The following CSMD3 variants were observed in gnomAD, a reference collection of about 807,000 sequenced individuals.
CSMD3 encodes the protein CUB and sushi domain-containing protein 3.
A neutral mutation model predicts 435.2 loss-of-function variants in CSMD3; 177 were observed. The observed-to-expected ratio is 0.41, with a 90% CI of 0.36 to 0.46. CSMD3 has a LOEUF of 0.46. Ranked by LOEUF, CSMD3 falls within the 20% of genes least tolerant of loss-of-function variation. The probability of loss-of-function intolerance (pLI) is 0.34; values close to 1 mark genes in which losing one functional copy is unlikely to be tolerated. For missense variants in CSMD3, 4,265 were observed against 4,504.6 expected (o/e 0.95, Z 1.52); for synonymous variants, 1,656 against 1,520.5 (o/e 1.09, Z -2.07).
chr8:112,928,038 C>T (rs1316020594), intron 9 of CSMD3, among the ~76,000 whole-genome samples: 1 of 152,084 alleles, frequency 6.6e-6, no homozygotes, highest in Non-Finnish European at 1.5e-5. Context: ...CCTGTCTTTG[C>T]CCCTCCAATA....
chr8:113,098,584 G>C, intron 5 of CSMD3, 172 bp downstream of exon 5: 1 of 598,532 alleles, frequency 1.7e-6, no homozygotes, highest in Non-Finnish European at 3.0e-6. Context: ...TATTTTTTAT[G>C]TAAATAGCTC....
At chr8:113,276,382 G>A (rs2132446653) in intron 3 of CSMD3, among the ~76,000 whole-genome samples, 1 of 152,138 alleles carries the variant, frequency 6.6e-6, no homozygotes, top group East Asian at 1.9e-4. Flanking sequence ...ACATCAGAGG[G>A]GAAATCAAAG....
intron 13 of CSMD3, among the ~76,000 whole-genome samples, chr8:112,780,411 G>A (rs2078354676): frequency 6.6e-6 from 1 of 152,020 alleles, no homozygotes; most frequent in East Asian, 1.9e-4. Flanking sequence ...AAGTAAGGCA[G>A]CTGAATAGAA....
At chr8:112,252,704 T>TAC (rs1815390505) in intron 63 of CSMD3, among the ~76,000 whole-genome samples, 1 of 132,792 alleles carries the variant, frequency 7.5e-6, no homozygotes, top group Non-Finnish European at 1.6e-5. Context: ...TATATATATA[T>TAC]ATATACACAT....
At chr8:112,852,999 T>A (rs1199229304) in intron 11 of CSMD3, among the ~76,000 whole-genome samples, 2 of 152,198 alleles carry the variant, frequency 1.3e-5, no homozygotes, top group Non-Finnish European at 2.9e-5. Context: ...TTGGAATTTT[T>A]ATTAGTAATG....
chr8:112,290,705 T>C (rs1263780803), intron 56 of CSMD3, among the ~76,000 whole-genome samples: 1 of 151,958 alleles, frequency 6.6e-6, no homozygotes, highest in African/African-American at 2.4e-5. Context: ...AAACCAAAAA[T>C]TATTTGCCAA....
chr8:112,711,344 G>A (rs908738389), intron 13 of CSMD3, among the ~76,000 whole-genome samples: 1 of 151,956 alleles, frequency 6.6e-6, no homozygotes, highest in African/African-American at 2.4e-5. Context: ...CAAGCGCATT[G>A]CGATTTACAC....
intron 5 of CSMD3, among the ~76,000 whole-genome samples, chr8:113,083,097 T>G (rs2089630384): frequency 6.6e-6 from 1 of 152,020 alleles, no homozygotes; most frequent in Non-Finnish European, 1.5e-5. Context: ...AGCAGATAGA[T>G]CCCCAAACTG....
chr8:113,086,585 A>C (rs72683902), intron 5 of CSMD3, among the ~76,000 whole-genome samples: 14,480 of 152,238 alleles, frequency 0.095, 886 homozygotes, highest in Middle Eastern at 0.17. Context: ...ATATTAAGAA[A>C]ATATATCATA....
chr8:112,322,303 A>C (rs1231834487), intron 45 of CSMD3, among the ~76,000 whole-genome samples: 1 of 152,092 alleles, frequency 6.6e-6, no homozygotes, highest in East Asian at 1.9e-4. Context: ...TTAAAAGATC[A>C]AAGGTTGTAA....
intron 3 of CSMD3, among the ~76,000 whole-genome samples, chr8:113,206,252 T>C (rs2092769743): frequency 6.6e-6 from 1 of 152,152 alleles, no homozygotes; most frequent in African/African-American, 2.4e-5. Context: ...TACACAAATA[T>C]ATATGTATGT....
At chr8:113,230,079 T>C (rs2093068436) in intron 3 of CSMD3, among the ~76,000 whole-genome samples, 1 of 151,662 alleles carries the variant, frequency 6.6e-6, no homozygotes, top group South Asian at 2.1e-4. Flanking sequence ...GTCTGAAAGA[T>C]GCTGAGATAA....
At chr8:113,163,566 CATTAAAT>C (rs1328973874) in intron 4 of CSMD3, among the ~76,000 whole-genome samples, 5 of 151,800 alleles carry the variant, frequency 3.3e-5, no homozygotes, top group African/African-American at 4.8e-5. Context: ...ATTAGGCATC[CATTAAAT>C]ATTAAACTGT....
intron 2 of CSMD3, among the ~76,000 whole-genome samples, chr8:113,305,281 C>T (rs550048763): frequency 6.6e-6 from 1 of 151,642 alleles, no homozygotes; most frequent in Admixed American, 6.6e-5. Context: ...TACACATGTA[C>T]CCTAAAACTT....
intron 60 of CSMD3, 103 bp downstream of exon 60, chr8:112,265,308 G>A (rs1412746929): frequency 1.4e-6 from 1 of 701,468 alleles, no homozygotes; most frequent in Non-Finnish European, 2.2e-6. Flanking sequence ...AATGCAACCT[G>A]GAACTAAAAA....
intron 13 of CSMD3, among the ~76,000 whole-genome samples, chr8:112,768,269 A>G (rs553226957): frequency 1.3e-5 from 2 of 152,002 alleles, no homozygotes; most frequent in African/African-American, 4.8e-5. Flanking sequence ...CCTGGCAGGC[A>G]ACGAATGGCA....
chr8:113,410,497 A>G (rs1376555648), intron 1 of CSMD3, among the ~76,000 whole-genome samples: 2 of 152,128 alleles, frequency 1.3e-5, no homozygotes, highest in Non-Finnish European at 2.9e-5. Context: ...TGTCTTCTAT[A>G]CAGTGAACTC....
intron 5 of CSMD3, among the ~76,000 whole-genome samples, chr8:113,091,460 C>A (rs1359536020): frequency 6.6e-6 from 1 of 151,976 alleles, no homozygotes; most frequent in Non-Finnish European, 1.5e-5. Context: ...TGTTATTGGT[C>A]TGTTCGGGCT....
chr8:112,864,217 GTTTC>G (rs2080910112), intron 10 of CSMD3, among the ~76,000 whole-genome samples: 1 of 151,422 alleles, frequency 6.6e-6, no homozygotes. Context: ...AAATGTATAG[GTTTC>G]TTTCTTTTTT....
Sources: gnomAD v4.1 joint callset for allele counts (sites outside exome capture counted in the v4.1 genomes callset) on GRCh38, gnomAD v4.1.1 for gene constraint, MANE v1.5 for transcripts, NCBI Gene and HGNC (gene_info 2026-07-23, HGNC 2026-07-21) for gene names.